The following GFRA2 variants were observed in gnomAD, a reference collection of about 807,000 sequenced individuals.
GFRA2 encodes the protein GDNF family receptor alpha-2.
GFRA2 carries 17 observed loss-of-function variants against 48.3 expected under a neutral mutation model. The observed-to-expected ratio is 0.35, with a 90% CI of 0.24 to 0.53. GFRA2 has a LOEUF of 0.53. Among genes scored for constraint, GFRA2 ranks in the 20% least tolerant of loss-of-function variants. GFRA2 has a pLI of 0.93. For missense variants in GFRA2, 660 were observed against 637.3 expected (o/e 1.04, Z -0.38); for synonymous variants, 305 against 257.2 (o/e 1.19, Z -1.78).
intron 7 of GFRA2, among the ~76,000 whole-genome samples, chr8:21,699,212 C>A (rs192801650): frequency 6.6e-6 from 1 of 152,300 alleles, no homozygotes; most frequent in Admixed American, 6.5e-5. Context: ...TCTCTCAGTC[C>A]CATGCTCTGA....
chr8:21,809,547 T>C (rs946914431), intron 1 of GFRA2, among the ~76,000 whole-genome samples: 8 of 152,170 alleles, frequency 5.3e-5, no homozygotes, highest in African/African-American at 9.7e-5. Context: ...CAGGATGGTC[T>C]TGATCTCCTG....
chr8:21,701,023 C>G (rs1802447088), intron 7 of GFRA2, among the ~76,000 whole-genome samples: 1 of 152,198 alleles, frequency 6.6e-6, no homozygotes, highest in South Asian at 2.1e-4. Context: ...CCATGCCAGC[C>G]CCAGGCAAGC....
chr8:21,695,573 A>C (rs113120455), intron 7 of GFRA2, among the ~76,000 whole-genome samples: 5,091 of 152,216 alleles, frequency 0.033, 295 homozygotes, highest in African/African-American at 0.12. Context: ...TGATTAGCAC[A>C]GCGAGAATGG....
chr8:21,717,039 G>A (rs1395727653), intron 4 of GFRA2, among the ~76,000 whole-genome samples: 4 of 152,204 alleles, frequency 2.6e-5, no homozygotes, highest in East Asian at 1.9e-4. Context: ...CAGGTCAGCC[G>A]GCTGCTCTCT....
At chr8:21,791,472 C>T (rs1807573271), upstream of GFRA2, among the ~76,000 whole-genome samples, 1 of 152,176 alleles carries the variant, frequency 6.6e-6, no homozygotes. Context: ...CTCTGCCCAC[C>T]CCAACACTCA....
At chr8:21,810,982 GAC>G (rs1177769028) in intron 1 of GFRA2, among the ~76,000 whole-genome samples, 7 of 152,238 alleles carry the variant, frequency 4.6e-5, no homozygotes, top group African/African-American at 1.7e-4. Flanking sequence ...GCTGCCTCTT[GAC>G]AGCCTCGCAG....
At chr8:21,715,671 G>A (rs549670355) in intron 4 of GFRA2, among the ~76,000 whole-genome samples, 1 of 152,284 alleles carries the variant, frequency 6.6e-6, no homozygotes, top group African/African-American at 2.4e-5. Flanking sequence ...TGGCCACACT[G>A]GCCTAGAGAT....
At chr8:21,730,982 C>T (rs190860600) in intron 4 of GFRA2, among the ~76,000 whole-genome samples, 19 of 152,210 alleles carry the variant, frequency 1.2e-4, no homozygotes, top group Admixed American at 2.0e-4. Flanking sequence ...GGCTGGGACC[C>T]GGGAATTCTG....
intron 4 of GFRA2, among the ~76,000 whole-genome samples, chr8:21,730,713 T>C (rs1804145536): frequency 6.6e-6 from 1 of 152,110 alleles, no homozygotes; most frequent in African/African-American, 2.4e-5. Context: ...AGCACAACGC[T>C]GGCAGAATGG....
chr8:21,754,351 A>G (rs141563887), intron 3 of GFRA2, among the ~76,000 whole-genome samples: 1 of 152,296 alleles, frequency 6.6e-6, no homozygotes, highest in East Asian at 1.9e-4. Flanking sequence ...ATGTTGACTA[A>G]TATTATTAAG....
chr8:21,757,336 C>T (rs1805619376), intron 3 of GFRA2, among the ~76,000 whole-genome samples: 1 of 152,182 alleles, frequency 6.6e-6, no homozygotes, highest in African/African-American at 2.4e-5. Context: ...AGCCCCCACC[C>T]CCAGCAGGCA....
chr8:21,703,464 G>A (rs1802584838), intron 6 of GFRA2, among the ~76,000 whole-genome samples: 1 of 151,994 alleles, frequency 6.6e-6, no homozygotes, highest in Non-Finnish European at 1.5e-5. Context: ...CCACACCACA[G>A]GCTCTCCCTG....
chr8:21,811,616 G>A (rs1421106617), intron 1 of GFRA2, among the ~76,000 whole-genome samples: 1 of 151,942 alleles, frequency 6.6e-6, no homozygotes, highest in African/African-American at 2.4e-5. Context: ...TTTGTTACAG[G>A]CTCTTCAAAG....
At chr8:21,737,348 G>A (rs1804518479) in intron 4 of GFRA2, among the ~76,000 whole-genome samples, 1 of 151,520 alleles carries the variant, frequency 6.6e-6, no homozygotes, top group African/African-American at 2.4e-5. Flanking sequence ...CAGCCTGGAC[G>A]ACAGAGTGAG....
chr8:21,795,355 T>C (rs1391071947), intron 2 of GFRA2, among the ~76,000 whole-genome samples: 9 of 150,874 alleles, frequency 6.0e-5, no homozygotes, highest in Admixed American at 2.6e-4. Context: ...CACATTGTCT[T>C]TTTTTTTTCT....
intron 4 of GFRA2, among the ~76,000 whole-genome samples, chr8:21,739,906 G>GT (rs1196360156): frequency 6.6e-6 from 1 of 152,240 alleles, no homozygotes; most frequent in Non-Finnish European, 1.5e-5. Flanking sequence ...CAAGAGCACA[G>GT]TGATGTGGAG....
At chr8:21,707,922 ACAAATGCT>A (rs753914872) in intron 4 of GFRA2, among the ~76,000 whole-genome samples, 6 of 152,202 alleles carry the variant, frequency 3.9e-5, no homozygotes, top group Admixed American at 1.3e-4. Context: ...TTTAACCCTC[ACAAATGCT>A]CCGTGAGATC....
At chr8:21,779,367 G>C (rs1292408554) in intron 2 of GFRA2, among the ~76,000 whole-genome samples, 1 of 152,186 alleles carries the variant, frequency 6.6e-6, no homozygotes, top group African/African-American at 2.4e-5. Flanking sequence ...TGATACAGAG[G>C]GAGCCAGTGA....
At chr8:21,774,759 T>C (rs1039345505) in intron 3 of GFRA2, among the ~76,000 whole-genome samples, 1 of 152,132 alleles carries the variant, frequency 6.6e-6, no homozygotes, top group South Asian at 2.1e-4. Flanking sequence ...CCAGGCAATT[T>C]CCACCAACGC....
Sources: gnomAD v4.1 joint callset for allele counts (sites outside exome capture counted in the v4.1 genomes callset) on GRCh38, gnomAD v4.1.1 for gene constraint, MANE v1.5 for transcripts, NCBI Gene and HGNC (gene_info 2026-07-23, HGNC 2026-07-21) for gene names.